Variants in CLIC6 observed in about 807,000 individuals in gnomAD.
The protein encoded by CLIC6 is chloride intracellular channel protein 6.
A neutral mutation model predicts 49.2 loss-of-function variants in CLIC6; 39 were observed. The ratio of observed to expected loss-of-function variants is 0.79; its 90% CI spans 0.61 to 1.04. The LOEUF (loss-of-function observed/expected upper bound fraction) is 1.04. Ranked by LOEUF, CLIC6 falls within the 50% of genes least tolerant of loss-of-function variation. The pLI is 0.00. For synonymous variants in CLIC6, 446 were observed against 433.4 expected (o/e 1.03, Z -0.36); for missense variants, 988 against 993.1 (o/e 0.99, Z 0.07).
At chr21:34,671,729 A>G (rs1453727115) in intron 1 of CLIC6, among the ~76,000 whole-genome samples, 1 of 152,248 alleles carries the variant, frequency 6.6e-6, no homozygotes, top group Non-Finnish European at 1.5e-5. Context: ...CCAGGCTTAT[A>G]GAAACCAGTT....
chr21:34,710,748 C>G (rs776497450), intron 5 of CLIC6, among the ~76,000 whole-genome samples: 4 of 151,968 alleles, frequency 2.6e-5, no homozygotes, highest in Non-Finnish European at 4.4e-5. Context: ...GGGAGGCAGA[C>G]ATTGCAGTGA....
chr21:34,716,279 A>C, intron 5 of CLIC6, 42 bp from the exon 6 acceptor site: 1 of 1,567,868 alleles, frequency 6.4e-7, no homozygotes, highest in Non-Finnish European at 8.7e-7. Flanking sequence ...AGCCTACCTT[A>C]GCAAGTTTTC....
chr21:34,689,373 G>A lies in CLIC6; in HGVS notation c.1375-17907G>A, dbSNP rs1032545211. Among the ~76,000 whole-genome samples the A allele has an allele frequency of 2.6e-5, 4 of 152,206 alleles. No homozygotes were observed. The South Asian group carries it at 8.3e-4, about 31-fold the overall frequency. On this transcript the variant is annotated intron_variant, in intron 1 of 5. Coordinates refer to ENST00000349499, the MANE Select transcript of CLIC6 (RefSeq NM_053277.3). ...GTGAACTGGTGTTCGAAGGTACTTGGATGAAGAATGATGTTTTTCCTTTGG... is the reference window on the plus strand; with the variant it reads ...GTGAACTGGTGTTCGAAGGTACTTGAATGAAGAATGATGTTTTTCCTTTGG...
intron 3 of CLIC6, 84 bp downstream of exon 3, chr21:34,708,153 G>T (rs1224776135): frequency 6.6e-7 from 1 of 1,515,866 alleles, no homozygotes; most frequent in East Asian, 2.3e-5. Flanking sequence ...GGCAGTGTGT[G>T]TGTGTGTGGT....
rs144391581 is a variant in CLIC6 at position 34,680,586 on chromosome 21, G to C, written c.1374+9824G>C. On this transcript the variant is annotated intron_variant, in intron 1 of 5. Coordinates refer to ENST00000349499, the MANE Select transcript of CLIC6 (RefSeq NM_053277.3). ...CAAATTTTCCTAACTTTTATGCTCT[G>C]TTTCCTCTTGAATGCTTTGCCACTT... Among the ~76,000 whole-genome samples, 910 of 152,208 alleles carry C rather than the reference G, an allele frequency of 6.0e-3. 12 individuals are homozygous for C. Among genetic ancestry groups the C allele is most frequent in the African/African-American group, 0.021 (854 of 41,508 alleles).
chr21:34,707,926 C>T lies in CLIC6; in HGVS notation c.1485-18C>T. The T allele has an allele frequency of 6.2e-7, 1 of 1,613,632 alleles. No individual in the cohort carries two copies. The highest frequency in any genetic ancestry group is 8.5e-7 in the Non-Finnish European group (1 of 1,179,728). On this transcript the variant is annotated intron_variant, in intron 2 of 5. Transcript: ENST00000349499. ...TTCTCACGGTGGCCCATAAACACTG[C>T]TGTTTCCTCCCACCTAGGAAACCCG...
At chr21:34,677,383 A>G (rs1989693731) in intron 1 of CLIC6, among the ~76,000 whole-genome samples, 1 of 152,236 alleles carries the variant, frequency 6.6e-6, no homozygotes, top group Non-Finnish European at 1.5e-5. Flanking sequence ...AGCTGGTACT[A>G]CAGTATGGTA....
At chr21:34,706,222 A>T (rs1369320566) in intron 1 of CLIC6, 5 of 510,850 alleles carry the variant, frequency 9.8e-6, no homozygotes, top group African/African-American at 1.9e-5. Flanking sequence ...GGGAGCAGGC[A>T]CGTCACATGG....
chr21:34,703,965 G>A (rs895023781), intron 1 of CLIC6, among the ~76,000 whole-genome samples: 1 of 152,224 alleles, frequency 6.6e-6, no homozygotes, highest in African/African-American at 2.4e-5. Flanking sequence ...CTGGAAACAA[G>A]ACACTCTACA....
At chr21:34,684,649 C>T (rs1989841652) in intron 1 of CLIC6, among the ~76,000 whole-genome samples, 1 of 152,206 alleles carries the variant, frequency 6.6e-6, no homozygotes. Context: ...AGCACAGTAA[C>T]TTTACAACTA....
intron 1 of CLIC6, among the ~76,000 whole-genome samples, chr21:34,676,644 G>A (rs1043510614): frequency 5.9e-5 from 9 of 152,036 alleles, no homozygotes; most frequent in African/African-American, 9.7e-5. Flanking sequence ...GCAGGCCATA[G>A]GAGCATGCAG....
intron 1 of CLIC6, 124 bp from the exon 2 acceptor site, chr21:34,707,156 G>T: frequency 1.3e-6 from 1 of 764,450 alleles, no homozygotes. Flanking sequence ...ATGGCCTCAG[G>T]AGGATATTCG....
In CLIC6 at chr21:34,714,878, A is replaced by G. The variant is rs184699134; in HGVS notation, c.1900-1443A>G. On this transcript the variant is annotated intron_variant, in intron 5 of 5. Coordinates refer to ENST00000349499, the MANE Select transcript of CLIC6 (RefSeq NM_053277.3). ...GTGTCACGTTCATAGGCATGGCCTT[A>G]AACAATGTACTCAGGAATGTTAAAA... Among the ~76,000 whole-genome samples, 1,204 of 152,340 alleles carry G rather than the reference A, an allele frequency of 7.9e-3. 9 individuals are homozygous for G. Among genetic ancestry groups the G allele is most frequent in the Non-Finnish European group, 9.3e-3 (633 of 68,034 alleles).
chr21:34,701,852 A>G (rs1427995228), intron 1 of CLIC6, among the ~76,000 whole-genome samples: 1 of 152,198 alleles, frequency 6.6e-6, no homozygotes, highest in African/African-American at 2.4e-5. Context: ...TATAACCATC[A>G]GACTGGGGGC....
intron 1 of CLIC6, among the ~76,000 whole-genome samples, chr21:34,701,493 C>A (rs1172623656): frequency 6.6e-6 from 1 of 151,996 alleles, no homozygotes; most frequent in Non-Finnish European, 1.5e-5. Context: ...ATAATAGCTA[C>A]CTTTATTGGG....
At chr21:34,693,944 C>CTGT (rs568954883) in intron 1 of CLIC6, among the ~76,000 whole-genome samples, 6,092 of 147,764 alleles carry the variant, frequency 0.041, 179 homozygotes, top group East Asian at 0.13. Flanking sequence ...CTTATGAGAT[C>CTGT]TGTTGTTGTT....
chr21:34,712,883 ACC>A (rs2056065912), intron 5 of CLIC6, among the ~76,000 whole-genome samples: 1 of 151,962 alleles, frequency 6.6e-6, no homozygotes, highest in African/African-American at 2.4e-5. Flanking sequence ...CCTAACCCTA[ACC>A]CTAACCGTAA....
At chr21:34,713,238 T>G (rs2056067897) in intron 5 of CLIC6, among the ~76,000 whole-genome samples, 1 of 152,062 alleles carries the variant, frequency 6.6e-6, no homozygotes. Context: ...CTCCAGCACA[T>G]TAAAGAACGT....
At chr21:34,696,509 C>T (rs1390109090) in intron 1 of CLIC6, among the ~76,000 whole-genome samples, 1 of 152,018 alleles carries the variant, frequency 6.6e-6, no homozygotes, top group East Asian at 1.9e-4. Context: ...AGAGAAGGAT[C>T]CTAGCTGACT....
Sources: gnomAD v4.1 joint callset for allele counts (sites outside exome capture counted in the v4.1 genomes callset) on GRCh38, gnomAD v4.1.1 for gene constraint, MANE v1.5 for transcripts, NCBI Gene and HGNC (gene_info 2026-07-23, HGNC 2026-07-21) for gene names.